The following PHACTR1 variants were observed in gnomAD, a reference collection of about 807,000 sequenced individuals.
PHACTR1 encodes the protein phosphatase and actin regulator 1.
Under a neutral mutation model 69.2 loss-of-function variants are expected in PHACTR1, and 16 were observed. The ratio of observed to expected loss-of-function variants is 0.23; its 90% CI spans 0.16 to 0.35. PHACTR1 has a LOEUF of 0.35. PHACTR1 is among the 10% of genes least tolerant of loss of function. PHACTR1 has a pLI of 1.00. For missense variants in PHACTR1, 510 were observed against 734.7 expected (o/e 0.69, Z 3.54); for synonymous variants, 312 against 284.5 (o/e 1.10, Z -0.97).
chr6:13,272,978 G>A lies in PHACTR1; in HGVS notation c.1447+63G>A, dbSNP rs552739357. 16 of 1,601,994 alleles carry A rather than the reference G, an allele frequency of 1.0e-5. No homozygotes were observed. In the Middle Eastern group the frequency reaches 5.0e-4, roughly 50 times the overall value. ...TGGCGGCTTTTGTTATTATTTAATG[G>A]TAGGCCACAAGGTTTCTACCTTGCG... On this transcript the variant is annotated intron_variant, in intron 11 of 14. Coordinates refer to ENST00000332995, the MANE Select transcript of PHACTR1 (RefSeq NM_030948.6).
At chr6:12,845,211 G>A (rs1422443120) in intron 4 of PHACTR1, among the ~76,000 whole-genome samples, 81 of 152,248 alleles carry the variant, frequency 5.3e-4, no homozygotes, top group Non-Finnish European at 1.3e-4. Context: ...TGATTTATAA[G>A]AGGGAAAGTG....
intron 4 of PHACTR1, among the ~76,000 whole-genome samples, chr6:12,866,600 A>C (rs1024885295): frequency 6.6e-6 from 1 of 152,060 alleles, no homozygotes; most frequent in Non-Finnish European, 1.5e-5. Flanking sequence ...CACACATGCC[A>C]TGTCTTTGTA....
intron 10 of PHACTR1, among the ~76,000 whole-genome samples, chr6:13,235,183 C>G (rs191041844): frequency 6.6e-6 from 1 of 152,116 alleles, no homozygotes; most frequent in African/African-American, 2.4e-5. Flanking sequence ...ACACAGAGAC[C>G]TCAGGGCAAT....
chr6:12,963,367 G>A (rs1793001237), intron 4 of PHACTR1, among the ~76,000 whole-genome samples: 1 of 152,082 alleles, frequency 6.6e-6, no homozygotes, highest in South Asian at 2.1e-4. Flanking sequence ...CCAGTTCCCT[G>A]GTAGCAGCCT....
chr6:12,974,607 T>C (rs138993536), intron 4 of PHACTR1, among the ~76,000 whole-genome samples: 1 of 152,176 alleles, frequency 6.6e-6, no homozygotes, highest in Non-Finnish European at 1.5e-5. Flanking sequence ...ACCAACATTT[T>C]CTAATTGGGT....
chr6:12,900,842 G>A (rs960472342), intron 4 of PHACTR1, among the ~76,000 whole-genome samples: 3 of 151,852 alleles, frequency 2.0e-5, no homozygotes, highest in African/African-American at 7.3e-5. Context: ...GTTTTAACTC[G>A]ACGTTTTGCT....
chr6:12,814,064 T>A (rs1055611744), intron 4 of PHACTR1, among the ~76,000 whole-genome samples: 3 of 152,208 alleles, frequency 2.0e-5, no homozygotes, highest in Non-Finnish European at 4.4e-5. Flanking sequence ...GACACATCCC[T>A]CCTTTAACTT....
intron 4 of PHACTR1, among the ~76,000 whole-genome samples, chr6:12,765,559 TATCTG>T (rs1217337552): frequency 5.3e-5 from 8 of 152,202 alleles, no homozygotes; most frequent in African/African-American, 1.7e-4. Context: ...CATCTTCATA[TATCTG>T]GTCCTTGATT....
intron 4 of PHACTR1, among the ~76,000 whole-genome samples, chr6:12,755,561 TAAA>T (rs537101150): frequency 2.0e-5 from 3 of 152,194 alleles, no homozygotes; most frequent in Non-Finnish European, 2.9e-5. Context: ...ATTTTTGAGT[TAAA>T]AGAAGAATGA....
rs942426408 is a variant in PHACTR1, at chr6:13,239,318, A to T, written c.1391+9125A>T. On this transcript the variant is annotated intron_variant, in intron 10 of 14. Coordinates refer to ENST00000332995, the MANE Select transcript of PHACTR1 (RefSeq NM_030948.6). ...TGAGTTCTACAACATTTGTACCACA[A>T]ATGCGTGGACTTCGTGTAGCTAAGC... 2.0e-5 allele frequency among the ~76,000 whole-genome samples: 3 copies of T among 152,218 alleles called. No individual in the cohort carries two copies. In the South Asian group the frequency reaches 6.2e-4, roughly 32 times the overall value.
chr6:13,183,338 G>T (rs4711932), intron 7 of PHACTR1, among the ~76,000 whole-genome samples: 5,211 of 152,070 alleles, frequency 0.034, 247 homozygotes, highest in Admixed American at 0.12. Context: ...GTACTTGTCA[G>T]GAGATGAGTC....
At chr6:13,109,488 A>C (rs1561842365) in intron 5 of PHACTR1, among the ~76,000 whole-genome samples, 1 of 152,018 alleles carries the variant, frequency 6.6e-6, no homozygotes, top group Non-Finnish European at 1.5e-5. Flanking sequence ...ATTTCTAATA[A>C]GAAGTCAAAG....
At chr6:13,013,851 C>T (rs1582964158) in intron 4 of PHACTR1, among the ~76,000 whole-genome samples, 1 of 148,678 alleles carries the variant, frequency 6.7e-6, no homozygotes, top group Admixed American at 6.7e-5. Flanking sequence ...GCGCGGGGGC[C>T]GGAGCAGCGC....
chr6:12,961,688 C>T (rs545452450), intron 4 of PHACTR1, among the ~76,000 whole-genome samples: 1 of 152,288 alleles, frequency 6.6e-6, no homozygotes, highest in South Asian at 2.1e-4. Context: ...TAGTCCATAG[C>T]TGATGTATTG....
rs556967776 is a variant in PHACTR1 at position 13,014,542 on chromosome 6, C to A, written c.251-38823C>A. Among the ~76,000 whole-genome samples, 17 of 152,272 alleles carry A rather than the reference C, an allele frequency of 1.1e-4. No individual in the cohort carries two copies. In the South Asian group the frequency reaches 3.3e-3, roughly 30 times the overall value. ...ATGGGATACAGGGTTTGCTGGACTG[C>A]GTTACGGACATGGGCTTCCTTCGGG... On this transcript the variant is annotated intron_variant, in intron 4 of 14. Transcript: ENST00000332995.
At chr6:13,117,949 C>A (rs1267121465) in intron 5 of PHACTR1, among the ~76,000 whole-genome samples, 1 of 152,146 alleles carries the variant, frequency 6.6e-6, no homozygotes, top group Non-Finnish European at 1.5e-5. Flanking sequence ...TTTTTACAAG[C>A]CGGAGCATAA....
intron 8 of PHACTR1, among the ~76,000 whole-genome samples, chr6:13,217,502 G>A (rs1013049287): frequency 6.6e-6 from 1 of 152,100 alleles, no homozygotes; most frequent in African/African-American, 2.4e-5. Flanking sequence ...GACTCTGTGT[G>A]TCTTATGGTT....
intron 10 of PHACTR1, among the ~76,000 whole-genome samples, chr6:13,236,683 A>T (rs1772041122): frequency 6.6e-6 from 1 of 151,978 alleles, no homozygotes; most frequent in African/African-American, 2.4e-5. Context: ...CCACTACCCC[A>T]CCCTAAAGAC....
At chr6:12,861,683 A>C (rs1780954349) in intron 4 of PHACTR1, among the ~76,000 whole-genome samples, 1 of 152,198 alleles carries the variant, frequency 6.6e-6, no homozygotes, top group Admixed American at 6.5e-5. Context: ...TTGTCTTTTC[A>C]GTTCTTTTCT....
Sources: allele counts gnomAD v4.1 joint callset (sites outside exome capture counted in the v4.1 genomes callset), GRCh38; gene constraint gnomAD v4.1.1; transcripts MANE v1.5; gene names NCBI Gene and HGNC (gene_info 2026-07-23, HGNC 2026-07-21).